FUBP3: variants seen among roughly 807,000 people sequenced by gnomAD.
The protein encoded by FUBP3 is far upstream element binding protein 3.
A neutral mutation model predicts 85.6 loss-of-function variants in FUBP3; 28 were observed. The ratio of observed to expected loss-of-function variants is 0.33; its 90% CI spans 0.24 to 0.45. The LOEUF is 0.45. Ranked by LOEUF, FUBP3 falls within the 20% of genes least tolerant of loss-of-function variation. The pLI is 1.00. For synonymous variants in FUBP3, 271 were observed against 271.4 expected (o/e 1.00, Z 0.01); for missense variants, 583 against 755.1 (o/e 0.77, Z 2.67).
intron 2 of FUBP3, among the ~76,000 whole-genome samples, chr9:130,596,873 G>A (rs941491395): frequency 3.3e-5 from 5 of 152,022 alleles, no homozygotes; most frequent in Non-Finnish European, 7.4e-5. Context: ...CGTGGAAAAC[G>A]GGGGTATCCA....
At chr9:130,607,510 C>T (rs1165864012) in intron 2 of FUBP3, among the ~76,000 whole-genome samples, 1 of 152,000 alleles carries the variant, frequency 6.6e-6, no homozygotes. Flanking sequence ...CTGATTTTAC[C>T]CAGCATTTTT....
chr9:130,610,120 G>C, intron 3 of FUBP3, 133 bp downstream of exon 3: 1 of 709,874 alleles, frequency 1.4e-6, no homozygotes, highest in Non-Finnish European at 2.4e-6. Context: ...TTTAAGACTC[G>C]AGTTTTTTGC....
At chr9:130,600,153 A>T (rs1429604667) in intron 2 of FUBP3, among the ~76,000 whole-genome samples, 2 of 92,058 alleles carry the variant, frequency 2.2e-5, no homozygotes, top group Non-Finnish European at 2.0e-5. Flanking sequence ...CCTTTTTCAC[A>T]CACCCACCTG....
Position 130,630,696 on chromosome 9 carries a change from C to G in FUBP3, c.1186C>G (p.Pro396Ala). 6.3e-7 allele frequency: 1 copy of G among 1,597,196 alleles called. No individual in the cohort carries two copies. Among genetic ancestry groups the G allele is most frequent in the Non-Finnish European group, 8.5e-7 (1 of 1,172,536 alleles). The change falls in exon 13 of 19, where the codon CCC (proline) becomes GCC (alanine). Residue 396 changes from proline to alanine, a missense_variant. Physicochemically the swap from Pro to Ala is conservative, Grantham distance 27. Around this residue, in one of 3 missense-constraint regions of FUBP3, gnomAD observed 404 missense variants for 516.8 expected, o/e 0.78. Coordinates refer to ENST00000319725, the MANE Select transcript of FUBP3 (RefSeq NM_003934.2). ...CGTGGAGCTTCAGAGGAACCCCCCT[C>G]CCAACAGCGACCCCAACCTGCGGAG... is the stretch of plus-strand genomic sequence containing the variant. The part of the protein sequence containing the change: ...AHVELQRNPP[P>A]NSDPNLRRFT...
Position 130,612,365 on chromosome 9 carries a change from G to T in FUBP3, c.225-91G>T. 2 of 756,344 alleles carry T rather than the reference G, an allele frequency of 2.6e-6. No homozygotes were observed. Among genetic ancestry groups the T allele is most frequent in the Non-Finnish European group, 4.6e-6 (2 of 431,786 alleles). 46.9% of individuals were successfully genotyped at this position (756,344 alleles called of 1,614,324 possible). On this transcript the variant is annotated intron_variant, in intron 3 of 18. Coordinates refer to ENST00000319725, the MANE Select transcript of FUBP3 (RefSeq NM_003934.2). The surrounding 1 kb of genome is among the most constrained non-coding windows in gnomAD (Gnocchi z 4.1). The stretch of plus-strand genomic sequence containing the variant: ...CTGATGTATTTTAAGCTTTTATCAT[G>T]CAACATTGCCAGTATGGGCAGTTTG...
At chr9:130,586,953 G>A (rs1219606322) in intron 1 of FUBP3, among the ~76,000 whole-genome samples, 1 of 151,906 alleles carries the variant, frequency 6.6e-6, no homozygotes, top group Admixed American at 6.6e-5. Context: ...GTTTCACCGT[G>A]CTAGCCAGAA....
At chr9:130,590,021 ATTTTTTTTTTTTTTTTTTTT>A (rs60878897) in intron 1 of FUBP3, among the ~76,000 whole-genome samples, 2 of 45,970 alleles carry the variant, frequency 4.4e-5, no homozygotes, top group Admixed American at 8.3e-4. Flanking sequence ...GGCCTATTTA[ATTTTTTTTTTTTTTTTTTTT>A]TTTTTTTTTT....
At position 130,579,751 on chromosome 9, in the gene FUBP3, A is replaced by T; in HGVS notation, c.71A>T (p.His24Leu). 1.6e-6 allele frequency: 2 copies of T among 1,280,090 alleles called. No individual in the cohort carries two copies. The highest frequency in any genetic ancestry group is 9.9e-7 in the Non-Finnish European group (1 of 1,010,536). 79.3% of individuals were successfully genotyped at this position (1,280,090 alleles called of 1,614,324 possible). The change falls in exon 1 of 19, where the codon CAC becomes CTC. Residue 24 changes from histidine (H) to leucine (L), a missense_variant. By Grantham distance (99) the His-to-Leu change is moderately conservative (BLOSUM62 -3). Around this residue, in one of 3 missense-constraint regions of FUBP3, gnomAD observed 177 missense variants for 221.9 expected, o/e 0.80. Coordinates refer to ENST00000319725, the MANE Select transcript of FUBP3 (RefSeq NM_003934.2). Reference sequence around the variant, plus strand: ...GCCGAGGGCTTCGTGGATGCCCTGCACCGGGTCCGGCAGGTACGGGCGCAG... The same window carrying T: ...GCCGAGGGCTTCGTGGATGCCCTGCTCCGGGTCCGGCAGGTACGGGCGCAG... The part of the protein sequence containing the change: ...MKAEGFVDAL[H>L]RVRQIAAKID...
chr9:130,606,388 A>C (rs1049573033), intron 2 of FUBP3, among the ~76,000 whole-genome samples: 3 of 147,616 alleles, frequency 2.0e-5, no homozygotes, highest in Admixed American at 6.7e-5. Context: ...CTCTCTCCCC[A>C]CCCCCCCCCA....
intron 2 of FUBP3, among the ~76,000 whole-genome samples, chr9:130,597,512 A>G (rs1830932082): frequency 1.3e-5 from 2 of 152,178 alleles, no homozygotes; most frequent in Admixed American, 6.5e-5. Flanking sequence ...TAAACTTTTC[A>G]TCACGCCATC....
intron 8 of FUBP3, among the ~76,000 whole-genome samples, chr9:130,619,060 G>C (rs1349387562): frequency 2.0e-5 from 3 of 152,146 alleles, no homozygotes; most frequent in Non-Finnish European, 2.9e-5. Flanking sequence ...CCTGCTCAGC[G>C]TCCGGCCGTG....
At chr9:130,591,393 A>G (rs963222853) in intron 1 of FUBP3, among the ~76,000 whole-genome samples, 3 of 152,220 alleles carry the variant, frequency 2.0e-5, no homozygotes, top group Non-Finnish European at 4.4e-5. Flanking sequence ...CAGTGAGCCA[A>G]GAACCTCCTA....
In FUBP3 at chr9:130,579,772, C is replaced by A. The variant is rs13298491; in HGVS notation, c.84+8C>A. On this transcript the variant is annotated splice_region_variant and intron_variant, in intron 1 of 18. Coordinates refer to ENST00000319725, the MANE Select transcript of FUBP3 (RefSeq NM_003934.2). Reference sequence around the variant, plus strand: ...CTGCACCGGGTCCGGCAGGTACGGGCGCAGCCGGCTGGCAGGAGCACGAGA... The same window carrying A: ...CTGCACCGGGTCCGGCAGGTACGGGAGCAGCCGGCTGGCAGGAGCACGAGA... 1.6e-6 allele frequency: 2 copies of A among 1,272,188 alleles called. No homozygotes were observed. The highest frequency in any genetic ancestry group is 9.9e-7 in the Non-Finnish European group (1 of 1,006,478). The allele number at this position is 1,272,188 out of a possible 1,614,324, so 78.8% of individuals were successfully genotyped here.
chr9:130,582,677 A>G (rs1249931438), intron 1 of FUBP3, among the ~76,000 whole-genome samples: 6 of 152,218 alleles, frequency 3.9e-5, no homozygotes, highest in Admixed American at 2.6e-4. Context: ...CTGTCTGCCT[A>G]GGTTACAAGG....
At chr9:130,631,857 C>A in intron 14 of FUBP3, 85 bp from the exon 15 acceptor site, 1 of 1,033,700 alleles carries the variant, frequency 9.7e-7, no homozygotes, top group East Asian at 2.4e-5. Context: ...TCCCGACTGC[C>A]CCCTCAGTGC....
chr9:130,621,628 C>T (rs911614569), intron 9 of FUBP3, among the ~76,000 whole-genome samples: 6 of 151,378 alleles, frequency 4.0e-5, no homozygotes, highest in African/African-American at 1.2e-4. Context: ...CAGTTCAGGC[C>T]GGGCATGGTG....
intron 16 of FUBP3, among the ~76,000 whole-genome samples, chr9:130,632,572 G>C (rs548692656): frequency 2.0e-5 from 3 of 152,218 alleles, no homozygotes; most frequent in Non-Finnish European, 4.4e-5. Flanking sequence ...TGTCACTTTC[G>C]TTCCCTATGC....
rs375559179 is a variant in FUBP3, at chr9:130,612,458, C to T, written c.227C>T (p.Thr76Met). 8.7e-5 allele frequency: 138 copies of T among 1,590,166 alleles called. No homozygotes were observed. The highest frequency in any genetic ancestry group is 8.6e-4 in the Admixed American group (51 of 59,306). Residue 76 changes from threonine (T) to methionine (M), a missense_variant and splice_region_variant, in exon 4 of 19, where the codon ACG becomes ATG. Around this residue, in one of 3 missense-constraint regions of FUBP3, gnomAD observed 177 missense variants for 221.9 expected, o/e 0.80. Coordinates refer to ENST00000319725, the MANE Select transcript of FUBP3 (RefSeq NM_003934.2). This position sits in a 1 kb window ranked among gnomAD's most constrained non-coding sequence, Gnocchi z 4.1. ...TCCAAAATGTTCTTTGTTTTTAGGA[C>T]GGTAATAACGGAAGAATTCAAAGTG... The part of the protein sequence containing the change: ...NQLGALVHQR[T>M]VITEEFKVPD...
intron 9 of FUBP3, among the ~76,000 whole-genome samples, chr9:130,622,092 A>G (rs1411319686): frequency 2.6e-5 from 4 of 151,260 alleles, no homozygotes; most frequent in Admixed American, 1.3e-4. Context: ...GGAGGCTAAG[A>G]CAGGCAGATC....
Sources: allele counts gnomAD v4.1 joint callset (sites outside exome capture counted in the v4.1 genomes callset), GRCh38; gene constraint gnomAD v4.1.1; regional missense constraint gnomAD v4.1.1; non-coding constraint Gnocchi (gnomAD v3.1); transcripts MANE v1.5; gene names NCBI Gene and HGNC (gene_info 2026-07-23, HGNC 2026-07-21).